Variants in KAZN observed in about 807,000 individuals in gnomAD.
KAZN encodes kazrin.
Under a neutral mutation model 87.4 loss-of-function variants are expected in KAZN, and 40 were observed. The observed-to-expected ratio is 0.46, with a 90% CI of 0.36 to 0.60. The LOEUF is 0.60. KAZN is among the 20% of genes least tolerant of loss of function. The probability of loss-of-function intolerance (pLI) is 0.00; values close to 1 mark genes in which losing one functional copy is unlikely to be tolerated. For synonymous variants in KAZN, 466 were observed against 458.3 expected (o/e 1.02, Z -0.22); for missense variants, 898 against 1,073.9 (o/e 0.84, Z 2.29).
At chr1:14,621,183 A>T (rs1000066647) in intron 1 of KAZN, among the ~76,000 whole-genome samples, 4 of 152,190 alleles carry the variant, frequency 2.6e-5, no homozygotes, top group African/African-American at 4.8e-5. Flanking sequence ...GGCATTTGTT[A>T]TCTGCTAATG....
At chr1:14,641,776 A>G (rs1680426211) in intron 1 of KAZN, among the ~76,000 whole-genome samples, 1 of 152,238 alleles carries the variant, frequency 6.6e-6, no homozygotes, top group Non-Finnish European at 1.5e-5. Flanking sequence ...CTTGGACACG[A>G]CACCAAAAGC....
intron 1 of KAZN, among the ~76,000 whole-genome samples, chr1:14,005,552 G>A (rs149028792): frequency 1.3e-5 from 2 of 152,230 alleles, no homozygotes; most frequent in Admixed American, 6.5e-5. Flanking sequence ...GGGTATGTCC[G>A]AAGTTCAGAG....
At chr1:14,985,648 G>C (rs1303073881) in intron 2 of KAZN, among the ~76,000 whole-genome samples, 5 of 152,162 alleles carry the variant, frequency 3.3e-5, no homozygotes, top group African/African-American at 1.2e-4. Context: ...ATTACCTGTG[G>C]GTTCGTTGGA....
At chr1:14,891,940 C>T (rs1180900815) in intron 1 of KAZN, among the ~76,000 whole-genome samples, 1 of 152,138 alleles carries the variant, frequency 6.6e-6, no homozygotes, top group Non-Finnish European at 1.5e-5. Context: ...TTATGTGAGG[C>T]TTCTTGGTGT....
intron 2 of KAZN, among the ~76,000 whole-genome samples, chr1:14,269,200 G>A (rs1253508535): frequency 6.6e-6 from 1 of 152,000 alleles, no homozygotes; most frequent in African/African-American, 2.4e-5. Flanking sequence ...ACAATTTCAT[G>A]GTTTTCCAAA....
chr1:14,245,635 T>C (rs907779457), intron 2 of KAZN, among the ~76,000 whole-genome samples: 8 of 152,316 alleles, frequency 5.3e-5, no homozygotes, highest in Middle Eastern at 3.4e-3. Context: ...GGTCACAGTC[T>C]ATAAGGGGCT....
rs550018148 is a variant in KAZN, at chr1:13,901,363, G to A, written c.91+7607G>A. ...AACAAAATGTGGATCATCTGATCCC[G>A]GAGGAAGCAGTTTAAGGTTAAAAAG... On this transcript the variant is annotated intron_variant, in intron 1 of 16. Coordinates refer to the KAZN transcript ENST00000636203. Among the ~76,000 whole-genome samples the A allele has an allele frequency of 4.8e-4, 73 of 152,300 alleles. 1 individual carries two copies. The highest frequency in any genetic ancestry group is 9.1e-4 in the Non-Finnish European group (62 of 68,020).
intron 2 of KAZN, among the ~76,000 whole-genome samples, chr1:14,219,553 AG>A (rs1047335340): frequency 2.0e-5 from 3 of 152,216 alleles, no homozygotes; most frequent in African/African-American, 7.2e-5. Context: ...GTAAACAAGT[AG>A]GTCTTCATTA....
intron 1 of KAZN, among the ~76,000 whole-genome samples, chr1:14,838,128 G>T (rs766525238): frequency 1.3e-5 from 2 of 152,176 alleles, no homozygotes; most frequent in Non-Finnish European, 2.9e-5. Flanking sequence ...CCTTGGGGCT[G>T]TACCCTCCGG....
chr1:14,554,811 C>T (rs184630674), intron 2 of KAZN, among the ~76,000 whole-genome samples: 1 of 152,294 alleles, frequency 6.6e-6, no homozygotes, highest in East Asian at 1.9e-4. Context: ...CCCTATAAGT[C>T]TTCCCTATGA....
chr1:14,872,377 AT>A (rs1652239036), intron 1 of KAZN, among the ~76,000 whole-genome samples: 1 of 152,210 alleles, frequency 6.6e-6, no homozygotes, highest in Non-Finnish European at 1.5e-5. Flanking sequence ...AAGGAACTGA[AT>A]TTTTTATTTT....
At chr1:14,835,244 AG>A (rs1447846527) in intron 1 of KAZN, among the ~76,000 whole-genome samples, 8 of 152,240 alleles carry the variant, frequency 5.3e-5, no homozygotes, top group African/African-American at 1.9e-4. Context: ...GTTGCCTTAA[AG>A]GGCAGTGAGG....
At chr1:14,744,713 G>A (rs1424705709) in intron 1 of KAZN, among the ~76,000 whole-genome samples, 1 of 152,178 alleles carries the variant, frequency 6.6e-6, no homozygotes, top group East Asian at 1.9e-4. Context: ...TCCAGCCTGG[G>A]TAACCCAGTC....
At chr1:13,971,634 A>T (rs146426791) in intron 1 of KAZN, among the ~76,000 whole-genome samples, 86 of 152,154 alleles carry the variant, frequency 5.7e-4, no homozygotes, top group Non-Finnish European at 9.1e-4. Flanking sequence ...GTATCTGGGA[A>T]GAATTTCACA....
chr1:15,042,885 T>A (rs1673062141), intron 3 of KAZN, among the ~76,000 whole-genome samples: 1 of 152,184 alleles, frequency 6.6e-6, no homozygotes. Context: ...AATGGGAAGA[T>A]GGTGGCTGGG....
intron 1 of KAZN, among the ~76,000 whole-genome samples, chr1:13,947,878 A>T (rs1202699999): frequency 6.6e-6 from 1 of 152,098 alleles, no homozygotes; most frequent in Non-Finnish European, 1.5e-5. Flanking sequence ...CCTCATTTCA[A>T]TGACCTCTTT....
At chr1:15,071,315 G>T (rs4661571) in intron 8 of KAZN, among the ~76,000 whole-genome samples, 1 of 151,790 alleles carries the variant, frequency 6.6e-6, no homozygotes, top group Non-Finnish European at 1.5e-5. Context: ...GCAGTGGCGC[G>T]ATCTCGGCTC....
chr1:14,755,014 G>T (rs1182824387), intron 1 of KAZN, among the ~76,000 whole-genome samples: 1 of 151,166 alleles, frequency 6.6e-6, no homozygotes, highest in Non-Finnish European at 1.5e-5. Flanking sequence ...GGCCAAGGCG[G>T]GAGGATCGCT....
At chr1:15,006,968 A>G (rs1438778013) in intron 2 of KAZN, among the ~76,000 whole-genome samples, 1 of 151,136 alleles carries the variant, frequency 6.6e-6, no homozygotes, top group African/African-American at 2.4e-5. Context: ...GAGGCAGGAG[A>G]ATAGTGTGAA....
Sources: allele counts gnomAD v4.1 joint callset (sites outside exome capture counted in the v4.1 genomes callset), GRCh38; gene constraint gnomAD v4.1.1; transcripts MANE v1.5; gene names NCBI Gene and HGNC (gene_info 2026-07-23, HGNC 2026-07-21).